Variants in GRM3 observed in about 807,000 individuals in gnomAD.
GRM3 encodes metabotropic glutamate receptor 3.
GRM3 carries 26 observed loss-of-function variants against 70.5 expected under a neutral mutation model. That is an observed-to-expected ratio of 0.37 (90% CI 0.27 to 0.51). The LOEUF (loss-of-function observed/expected upper bound fraction) is 0.51. Ranked by LOEUF, GRM3 falls within the 20% of genes least tolerant of loss-of-function variation. The pLI is 0.93. For missense variants in GRM3, 859 were observed against 1,123.8 expected (o/e 0.76, Z 3.37); for synonymous variants, 443 against 434.9 (o/e 1.02, Z -0.23).
intron 4 of GRM3, among the ~76,000 whole-genome samples, chr7:86,844,094 A>C (rs1176373811): frequency 6.6e-6 from 1 of 152,162 alleles, no homozygotes; most frequent in East Asian, 1.9e-4. Context: ...ATTTACCTAG[A>C]GTAGGCAGAG....
chr7:86,806,863 G>A (rs577589757), intron 3 of GRM3, among the ~76,000 whole-genome samples: 1 of 151,706 alleles, frequency 6.6e-6, no homozygotes, highest in South Asian at 2.1e-4. Context: ...TTCTTCTAGG[G>A]TTTTTATGGT....
intron 2 of GRM3, among the ~76,000 whole-genome samples, chr7:86,777,003 C>T (rs1283220203): frequency 2.6e-5 from 4 of 152,144 alleles, no homozygotes; most frequent in Non-Finnish European, 5.9e-5. Context: ...AAAATACCTT[C>T]TTGTTTGTCT....
chr7:86,712,141 C>T (rs1795213726), intron 1 of GRM3, among the ~76,000 whole-genome samples: 1 of 151,988 alleles, frequency 6.6e-6, no homozygotes. Context: ...GCTTACTTTA[C>T]CTTTGACTTG....
At chr7:86,732,906 T>C (rs938719719) in intron 1 of GRM3, among the ~76,000 whole-genome samples, 1 of 152,044 alleles carries the variant, frequency 6.6e-6, no homozygotes, top group African/African-American at 2.4e-5. Context: ...ACTCCAAACA[T>C]AGTGTTGGAA....
chr7:86,815,960 A>C (rs1798006375), intron 3 of GRM3, among the ~76,000 whole-genome samples: 1 of 151,934 alleles, frequency 6.6e-6, no homozygotes, highest in Non-Finnish European at 1.5e-5. Context: ...TTTTCATTGC[A>C]AATATGCTCA....
intron 3 of GRM3, among the ~76,000 whole-genome samples, chr7:86,801,111 C>T (rs1300521147): frequency 1.3e-5 from 2 of 148,264 alleles, no homozygotes; most frequent in African/African-American, 2.5e-5. Context: ...TGCCCTGCCA[C>T]CCCAACTGGA....
At chr7:86,651,799 GA>G (rs1288082259) in intron 1 of GRM3, among the ~76,000 whole-genome samples, 1 of 151,964 alleles carries the variant, frequency 6.6e-6, no homozygotes, top group Admixed American at 6.6e-5. Context: ...ACGTCCCCTT[GA>G]AAAAAATGTT....
chr7:86,759,771 A>G (rs1796434187), intron 1 of GRM3, among the ~76,000 whole-genome samples: 1 of 152,162 alleles, frequency 6.6e-6, no homozygotes. Context: ...AGGTAGATCT[A>G]CTAAAAATGA....
At chr7:86,703,326 T>A (rs1450543974) in intron 1 of GRM3, among the ~76,000 whole-genome samples, 1 of 151,998 alleles carries the variant, frequency 6.6e-6, no homozygotes, top group East Asian at 1.9e-4. Context: ...TGGGGGAACC[T>A]CCGCTGTATG....
intron 1 of GRM3, among the ~76,000 whole-genome samples, chr7:86,689,476 TAA>T (rs1028052427): frequency 6.6e-6 from 1 of 152,084 alleles, no homozygotes; most frequent in African/African-American, 2.4e-5. Context: ...TAAAAAGGAA[TAA>T]GTTATGTCTC....
At chr7:86,757,568 G>A (rs1316952225) in intron 1 of GRM3, among the ~76,000 whole-genome samples, 6 of 152,276 alleles carry the variant, frequency 3.9e-5, no homozygotes, top group South Asian at 2.1e-4. Flanking sequence ...GCCTCACTGA[G>A]TCTCACCCTG....
intron 5 of GRM3, among the ~76,000 whole-genome samples, chr7:86,862,327 C>T (rs1798976172): frequency 6.6e-6 from 1 of 152,040 alleles, no homozygotes; most frequent in Non-Finnish European, 1.5e-5. Flanking sequence ...TCTTACCTTA[C>T]CTACATTTGA....
At position 86,658,796 on chromosome 7, in the gene GRM3, G is replaced by C. The variant is rs367702307; in HGVS notation, c.-141+13924G>C. Among the ~76,000 whole-genome samples the C allele has an allele frequency of 1.2e-4, 18 of 150,266 alleles. No homozygotes were observed. The East Asian group carries it at 2.7e-3, about 23-fold the overall frequency. ...TCCTTTTAGCCATATATTTTTATAA[G>C]TAAACTTAAAGATAAAATTCAGCAT... On this transcript the variant is annotated intron_variant, in intron 1 of 5. Coordinates refer to ENST00000361669, the MANE Select transcript of GRM3 (RefSeq NM_000840.3).
chr7:86,845,786 G>A (rs1461796845), intron 4 of GRM3, among the ~76,000 whole-genome samples: 3 of 152,122 alleles, frequency 2.0e-5, no homozygotes, highest in Non-Finnish European at 4.4e-5. Context: ...TCAACCATAT[G>A]AGGTCCAATA....
chr7:86,707,545 A>G (rs1477389907), intron 1 of GRM3, among the ~76,000 whole-genome samples: 2 of 152,066 alleles, frequency 1.3e-5, no homozygotes, highest in Non-Finnish European at 2.9e-5. Flanking sequence ...CTTCATGAGA[A>G]CAATGGGGAT....
chr7:86,683,605 G>A (rs925809894), intron 1 of GRM3, among the ~76,000 whole-genome samples: 5 of 152,114 alleles, frequency 3.3e-5, no homozygotes, highest in African/African-American at 1.2e-4. Flanking sequence ...AAAGTAGCCA[G>A]GATAGCATTG....
At chr7:86,718,066 C>A (rs1795364182) in intron 1 of GRM3, among the ~76,000 whole-genome samples, 1 of 151,906 alleles carries the variant, frequency 6.6e-6, no homozygotes, top group South Asian at 2.1e-4. Context: ...GTTTTATAAG[C>A]AAAATTAATG....
chr7:86,700,985 T>C (rs1416581970), intron 1 of GRM3, among the ~76,000 whole-genome samples: 2 of 151,956 alleles, frequency 1.3e-5, no homozygotes, highest in Non-Finnish European at 2.9e-5. Flanking sequence ...TTAAATATTC[T>C]ACACTTTTAA....
intron 1 of GRM3, among the ~76,000 whole-genome samples, chr7:86,694,807 T>C (rs555998886): frequency 7.2e-5 from 11 of 152,324 alleles, no homozygotes; most frequent in African/African-American, 2.6e-4. Context: ...ACAGCGCTTA[T>C]TGTTTGACAA....
Sources: allele counts gnomAD v4.1 joint callset (sites outside exome capture counted in the v4.1 genomes callset), GRCh38; gene constraint gnomAD v4.1.1; transcripts MANE v1.5; gene names NCBI Gene and HGNC (gene_info 2026-07-23, HGNC 2026-07-21).